Variants in GPAT4 observed in about 807,000 individuals in gnomAD.
The protein encoded by GPAT4 is 1-AGP acyltransferase 6.
Under a neutral mutation model 58.0 loss-of-function variants are expected in GPAT4, and 17 were observed. That is an observed-to-expected ratio of 0.29 (90% CI 0.20 to 0.44). GPAT4 has a LOEUF of 0.44. Ranked by LOEUF, GPAT4 falls within the 20% of genes least tolerant of loss-of-function variation. GPAT4 has a pLI of 1.00. For synonymous variants in GPAT4, 204 were observed against 210.1 expected, an observed-to-expected ratio of 0.97 and a Z score of 0.25; for missense variants, 377 against 574.5, an observed-to-expected ratio of 0.66 and a Z score of 3.51.
At chr8:41,594,546 C>CTT (rs35439986) in intron 1 of GPAT4, among the ~76,000 whole-genome samples, 53,571 of 133,380 alleles carry the variant, frequency 0.4, 11,389 homozygotes, top group Middle Eastern at 0.5. Context: ...TTATTACAAA[C>CTT]TTTTTTTTTT....
At position 41,621,181 on chromosome 8, in the gene GPAT4, C is replaced by A; in HGVS notation, c.*180C>A. The A allele has an allele frequency of 1.1e-6, 1 of 875,574 alleles. No individual in the cohort carries two copies. Among genetic ancestry groups the A allele is most frequent in the Non-Finnish European group, 1.7e-6 (1 of 586,604 alleles). 54.2% of individuals were successfully genotyped at this position (875,574 alleles called of 1,614,324 possible). A position where few individuals can be genotyped will look rare whatever the true frequency, so the allele number is the denominator to read the frequency against. On this transcript the variant is annotated 3_prime_UTR_variant, in exon 13 of 13. Coordinates refer to ENST00000396987, the MANE Select transcript of GPAT4 (RefSeq NM_178819.4). ...GGGATCCCTGTGCACCCGGCGCAGC[C>A]TACCCTTGGTGGTCTAAACGGATGC...
intron 9 of GPAT4, 119 bp downstream of exon 9, chr8:41,614,560 A>G (rs1200123568): frequency 3.0e-6 from 3 of 992,076 alleles, no homozygotes; most frequent in Middle Eastern, 4.3e-4. Flanking sequence ...TCACTGAATA[A>G]TGTTAGGTCC....
At chr8:41,585,443 G>A (rs1219399262) in intron 1 of GPAT4, among the ~76,000 whole-genome samples, 1 of 152,132 alleles carries the variant, frequency 6.6e-6, no homozygotes, top group Non-Finnish European at 1.5e-5. Context: ...ATAAAATGAA[G>A]ACATTGGGCT....
At chr8:41,618,596 C>T (rs527241293) in intron 10 of GPAT4, 88 bp from the exon 11 acceptor site, 1 of 1,526,464 alleles carries the variant, frequency 6.6e-7, no homozygotes, top group African/African-American at 1.4e-5. Context: ...CAGCACGGCC[C>T]AGTGGAGTCA....
intron 1 of GPAT4, among the ~76,000 whole-genome samples, chr8:41,596,927 G>T (rs1173237225): frequency 1.3e-5 from 2 of 152,166 alleles, no homozygotes; most frequent in Admixed American, 6.5e-5. Context: ...AAGGGGGTCC[G>T]CATGAGAGGG....
At chr8:41,594,647 G>A (rs1334537354) in intron 1 of GPAT4, among the ~76,000 whole-genome samples, 6 of 149,512 alleles carry the variant, frequency 4.0e-5, no homozygotes, top group East Asian at 4.0e-4. Context: ...CCGGGTTCAC[G>A]CCATTCTCCT....
Position 41,609,967 on chromosome 8 carries a change from C to T in GPAT4, c.536+12C>T. On this transcript the variant is annotated intron_variant, in intron 4 of 12. Coordinates refer to ENST00000396987, the MANE Select transcript of GPAT4 (RefSeq NM_178819.4). ...CTGCTGCCGCTCAGGTGAGGCAGGGCCTGCGGGAGTGGGGCTCGCTGCTGC... is the reference window on the plus strand; with the variant it reads ...CTGCTGCCGCTCAGGTGAGGCAGGGTCTGCGGGAGTGGGGCTCGCTGCTGC... 6.3e-7 allele frequency: 1 copy of T among 1,584,716 alleles called. No individual in the cohort carries two copies. Among genetic ancestry groups the T allele is most frequent in the Middle Eastern group, 1.8e-4 (1 of 5,606 alleles).
intron 4 of GPAT4, chr8:41,610,180 T>G: frequency 7.2e-7 from 1 of 1,381,596 alleles, no homozygotes; most frequent in South Asian, 1.7e-5. Context: ...AAAGACAGCT[T>G]GCTTCTCTAG....
chr8:41,612,715 C>A, intron 7 of GPAT4, 130 bp from the exon 8 acceptor site: 1 of 742,828 alleles, frequency 1.3e-6, no homozygotes, highest in Non-Finnish European at 2.2e-6. Context: ...TGGCAGTGAG[C>A]AACCTTCAGC....
intron 1 of GPAT4, among the ~76,000 whole-genome samples, chr8:41,586,759 GC>G (rs1802664806): frequency 6.6e-6 from 1 of 152,126 alleles, no homozygotes; most frequent in Admixed American, 6.5e-5. Flanking sequence ...AGAACTAGAT[GC>G]CTTTTACGTA....
At position 41,623,658 on chromosome 8, in the gene GPAT4, C is replaced by T. The variant is rs1803825316; in HGVS notation, c.*2657C>T. ...GAAATACGGGAAGTCAGCTTTGAAT[C>T]CATTGCTTCTCTAAAACATCAGGGC... On this transcript the variant is annotated 3_prime_UTR_variant, in exon 13 of 13. Coordinates refer to ENST00000396987, the MANE Select transcript of GPAT4 (RefSeq NM_178819.4). 1 of 152,240 alleles carries T rather than the reference C, an allele frequency of 6.6e-6. No homozygotes were observed. The highest frequency in any genetic ancestry group is 2.4e-5 in the African/African-American group (1 of 41,458). 9.4% of individuals were successfully genotyped at this position (152,240 alleles called of 1,614,324 possible). A position where few individuals can be genotyped will look rare whatever the true frequency, so the allele number is the denominator to read the frequency against.
At chr8:41,594,301 T>G (rs1167531445) in intron 1 of GPAT4, among the ~76,000 whole-genome samples, 1 of 152,192 alleles carries the variant, frequency 6.6e-6, no homozygotes, top group Non-Finnish European at 1.5e-5. Context: ...TAAAACAATT[T>G]TTTTAACCTT....
intron 6 of GPAT4, 69 bp downstream of exon 6, chr8:41,612,061 C>G (rs74547462): frequency 1.3e-6 from 2 of 1,592,184 alleles, no homozygotes; most frequent in Non-Finnish European, 1.7e-6. Flanking sequence ...TATACTTAGC[C>G]AAATGGGAAG....
At chr8:41,615,975 C>T (rs1336424603) in intron 10 of GPAT4, among the ~76,000 whole-genome samples, 1 of 152,208 alleles carries the variant, frequency 6.6e-6, no homozygotes, top group Non-Finnish European at 1.5e-5. Context: ...CCAGGGATGG[C>T]AGATGAATAT....
chr8:41,617,806 G>A (rs1347819887), intron 10 of GPAT4, among the ~76,000 whole-genome samples: 2 of 152,174 alleles, frequency 1.3e-5, no homozygotes, highest in African/African-American at 4.8e-5. Flanking sequence ...TTTGCACAAG[G>A]TCAGCCTACT....
chr8:41,621,486 C>T lies in GPAT4; in HGVS notation c.*485C>T, dbSNP rs1803750139. 6.3e-6 allele frequency: 1 copy of T among 157,682 alleles called. No individual in the cohort carries two copies. Among genetic ancestry groups the T allele is most frequent in the Non-Finnish European group, 1.4e-5 (1 of 71,480 alleles). The allele number at this position is 157,682 out of a possible 1,614,324, so 9.8% of individuals were successfully genotyped here. ...CAACATCGCCCCCAGCCTTGGAGCT[C>T]TGCAGACATGATAGGAAGGAAACTG... On this transcript the variant is annotated 3_prime_UTR_variant, in exon 13 of 13. Transcript: ENST00000396987.
intron 1 of GPAT4, among the ~76,000 whole-genome samples, chr8:41,590,709 A>G (rs1216943894): frequency 4.6e-5 from 7 of 152,236 alleles, no homozygotes; most frequent in Non-Finnish European, 8.8e-5. Flanking sequence ...AGAAGTGGCC[A>G]TCAGAACTAG....
chr8:41,614,401 G>T lies in GPAT4; in HGVS notation c.927G>T (p.Val309=). Reference sequence around the variant, plus strand: ...TCTTTGAAAGACTGACTGAACATGTGCAAGATAAAAGCAAGCTGCCTATCC... The same window carrying T: ...TCTTTGAAAGACTGACTGAACATGTTCAAGATAAAAGCAAGCTGCCTATCC... ...HLVAKRLTEH[V]QDKSKLPILI... The change falls in exon 9 of 13, where the codon GTG becomes GTT. Residue 309 remains valine, a synonymous_variant. Transcript: ENST00000396987. The T allele has an allele frequency of 6.2e-7, 1 of 1,614,018 alleles. No individual in the cohort carries two copies.
At chr8:41,593,503 T>C (rs1474495946) in intron 1 of GPAT4, among the ~76,000 whole-genome samples, 1 of 152,224 alleles carries the variant, frequency 6.6e-6, no homozygotes, top group Non-Finnish European at 1.5e-5. Context: ...GTGAGTTTCC[T>C]CATGCTTCGG....
Sources: gnomAD v4.1 joint callset for allele counts (sites outside exome capture counted in the v4.1 genomes callset) on GRCh38, gnomAD v4.1.1 for gene constraint, MANE v1.5 for transcripts, NCBI Gene and HGNC (gene_info 2026-07-23, HGNC 2026-07-21) for gene names.